The following DCC variants were observed in gnomAD, a reference collection of about 807,000 sequenced individuals.
DCC encodes DCC netrin 1 receptor.
In DCC, 58 loss-of-function variants were observed where a neutral mutation model predicts 172.5. The observed-to-expected ratio is 0.34, with a 90% CI of 0.27 to 0.42. DCC has a LOEUF of 0.42. Ranked by LOEUF, DCC falls within the 10% of genes least tolerant of loss-of-function variation. The pLI is 1.00. For missense variants in DCC, 1,740 were observed against 1,791.0 expected (o/e 0.97, Z 0.51); for synonymous variants, 709 against 644.5 (o/e 1.10, Z -1.52).
rs568927182 is a variant in DCC at position 53,327,894 on chromosome 18, G to T, written c.2164+5737G>T. ...CCATTTATGATATTCTGTGATTTATGATATGCTATGATTTATGATAATTGA... is the reference window on the plus strand; with the variant it reads ...CCATTTATGATATTCTGTGATTTATTATATGCTATGATTTATGATAATTGA... On this transcript the variant is annotated intron_variant, in intron 14 of 28. Transcript: ENST00000442544. Among the ~76,000 whole-genome samples the T allele has an allele frequency of 3.3e-5, 5 of 152,242 alleles. 1 individual carries two copies. The South Asian group carries it at 1.0e-3, about 32-fold the overall frequency.
At chr18:52,754,159 T>A (rs1374347390) in intron 2 of DCC, 15 of 152,156 alleles carry the variant, frequency 9.9e-5, no homozygotes. Flanking sequence ...TTGGGCAGAA[T>A]CACCACTCCT....
chr18:52,909,318 A>G (rs142815579), intron 3 of DCC, among the ~76,000 whole-genome samples: 1 of 152,308 alleles, frequency 6.6e-6, no homozygotes, highest in East Asian at 1.9e-4. Context: ...GGACTATTCA[A>G]CATGGTACCA....
At chr18:52,472,657 A>C (rs1988980904) in intron 1 of DCC, among the ~76,000 whole-genome samples, 1 of 152,096 alleles carries the variant, frequency 6.6e-6, no homozygotes, top group Admixed American at 6.6e-5. Flanking sequence ...TATCCCAGCT[A>C]CTCCAGAGGC....
chr18:52,945,706 C>T (rs965256358), intron 5 of DCC, among the ~76,000 whole-genome samples: 5 of 152,154 alleles, frequency 3.3e-5, no homozygotes, highest in Non-Finnish European at 4.4e-5. Flanking sequence ...TGTCCCTGGG[C>T]AGAGACCTCT....
intron 3 of DCC, 73 bp from the exon 4 acceptor site, chr18:52,923,631 GAAA>G: frequency 8.3e-7 from 1 of 1,207,980 alleles, no homozygotes; most frequent in East Asian, 2.3e-5. Flanking sequence ...CTTTTGTTAG[GAAA>G]AAAATCAAAA....
chr18:52,709,176 G>A (rs1471978538), intron 1 of DCC, among the ~76,000 whole-genome samples: 1 of 152,124 alleles, frequency 6.6e-6, no homozygotes, highest in Non-Finnish European at 1.5e-5. Flanking sequence ...CTCATCCTCA[G>A]AGAGTATAAA....
chr18:53,166,126 A>G (rs2054917394), intron 8 of DCC, among the ~76,000 whole-genome samples: 1 of 152,152 alleles, frequency 6.6e-6, no homozygotes. Flanking sequence ...CAAAACTGAC[A>G]GGACTGAATA....
intron 2 of DCC, among the ~76,000 whole-genome samples, chr18:52,896,073 C>T (rs1175951542): frequency 6.6e-6 from 1 of 152,172 alleles, no homozygotes; most frequent in Non-Finnish European, 1.5e-5. Context: ...GTGTGAGCCA[C>T]TGCACCCAGC....
chr18:53,496,113 A>T (rs2046020524), intron 26 of DCC, among the ~76,000 whole-genome samples: 1 of 152,132 alleles, frequency 6.6e-6, no homozygotes, highest in Admixed American at 6.6e-5. Flanking sequence ...CTGATAAGGG[A>T]CATACTGCCT....
At chr18:52,800,081 GATAA>G (rs2037956162) in intron 2 of DCC, among the ~76,000 whole-genome samples, 4 of 152,154 alleles carry the variant, frequency 2.6e-5, no homozygotes. Flanking sequence ...CTTTTATTAT[GATAA>G]ATAGTGATAG....
At chr18:52,520,673 T>A (rs2031783554) in intron 1 of DCC, among the ~76,000 whole-genome samples, 1 of 152,186 alleles carries the variant, frequency 6.6e-6, no homozygotes, top group Non-Finnish European at 1.5e-5. Flanking sequence ...CAGATTGAGT[T>A]TTAAATACTT....
chr18:52,609,633 G>T (rs1812905476), intron 1 of DCC, among the ~76,000 whole-genome samples: 1 of 151,252 alleles, frequency 6.6e-6, no homozygotes, highest in Non-Finnish European at 1.5e-5. Context: ...ATTCCTCTCT[G>T]TTATTACCTC....
At chr18:52,507,907 C>T (rs1033353223) in intron 1 of DCC, among the ~76,000 whole-genome samples, 1 of 152,054 alleles carries the variant, frequency 6.6e-6, no homozygotes, top group South Asian at 2.1e-4. Context: ...TCAAGACCAG[C>T]CTGACCAATA....
chr18:53,259,583 G>T (rs2056568272), intron 12 of DCC, among the ~76,000 whole-genome samples: 2 of 152,170 alleles, frequency 1.3e-5, no homozygotes, highest in Non-Finnish European at 2.9e-5. Flanking sequence ...GAGATCTGCT[G>T]TTAGTCTAAT....
chr18:52,667,179 G>C (rs2035471457), intron 1 of DCC, among the ~76,000 whole-genome samples: 1 of 152,116 alleles, frequency 6.6e-6, no homozygotes, highest in Non-Finnish European at 1.5e-5. Context: ...ATTTGAGAAA[G>C]CTCAGTTTGT....
At chr18:52,892,510 T>C (rs114721958) in intron 2 of DCC, 158 of 152,302 alleles carry the variant, frequency 1.0e-3, no homozygotes, top group African/African-American at 3.2e-3. Flanking sequence ...GACATTTTTC[T>C]ACAGCCCAAT....
chr18:53,502,329 A>G (rs16956847), intron 27 of DCC, among the ~76,000 whole-genome samples: 8,726 of 152,114 alleles, frequency 0.057, 832 homozygotes, highest in African/African-American at 0.2. Flanking sequence ...TTGTCTTCCT[A>G]TGATTCCTGT....
At chr18:52,791,425 G>A (rs941292356) in intron 2 of DCC, among the ~76,000 whole-genome samples, 1 of 151,962 alleles carries the variant, frequency 6.6e-6, no homozygotes, top group African/African-American at 2.4e-5. Flanking sequence ...GACCCAGAGT[G>A]GAAAGGAAGA....
At chr18:52,661,552 C>T (rs1446676683) in intron 1 of DCC, among the ~76,000 whole-genome samples, 3 of 152,224 alleles carry the variant, frequency 2.0e-5, no homozygotes, top group Non-Finnish European at 4.4e-5. Flanking sequence ...CTGATGCCTC[C>T]ACAGGAGATG....
Sources: allele counts gnomAD v4.1 joint callset (sites outside exome capture counted in the v4.1 genomes callset), GRCh38; gene constraint gnomAD v4.1.1; transcripts MANE v1.5; gene names NCBI Gene and HGNC (gene_info 2026-07-23, HGNC 2026-07-21).